Variants in DNAH17 observed in about 807,000 individuals in gnomAD.
The protein encoded by DNAH17 is axonemal beta dynein heavy chain 17.
Under a neutral mutation model 485.6 loss-of-function variants are expected in DNAH17, and 376 were observed. That is an observed-to-expected ratio of 0.77 (90% CI 0.71 to 0.84). The LOEUF is 0.84. DNAH17 is among the 40% of genes least tolerant of loss of function. The pLI, the probability that DNAH17 is intolerant of heterozygous loss-of-function variation, is 0.00. For synonymous variants in DNAH17, 3,031 were observed against 2,405.9 expected (o/e 1.26, Z -7.60); for missense variants, 6,370 against 5,839.3 (o/e 1.09, Z -2.96).
rs1463529038 is a variant in DNAH17, at chr17:78,459,330, A to T, written c.9654-122T>A. ...CTGGAGGGGCAGCGCTGGGATTCAC[A>T]CAGTCAGGCTGGCCCTAGAGGCCAC... On this transcript the variant is annotated intron_variant, in intron 60 of 80. Coordinates refer to ENST00000389840, the MANE Select transcript of DNAH17 (RefSeq NM_173628.4). 4.2e-6 allele frequency: 4 copies of T among 961,450 alleles called. No homozygotes were observed. In the South Asian group the frequency reaches 4.2e-5, roughly 10 times the overall value. The allele number at this position is 961,450 out of a possible 1,614,324, so 59.6% of individuals were successfully genotyped here.
intron 3 of DNAH17, 43 bp downstream of exon 3, chr17:78,572,658 C>T (rs764790061): frequency 1.3e-6 from 2 of 1,527,740 alleles, no homozygotes; most frequent in Non-Finnish European, 8.8e-7. Context: ...GCATGTGCCT[C>T]TTCCCCACCC....
intron 54 of DNAH17, among the ~76,000 whole-genome samples, chr17:78,474,912 C>CCCTTCACCTCA (rs1188520237): frequency 7.9e-6 from 1 of 126,714 alleles, no homozygotes; most frequent in African/African-American, 3.2e-5. Flanking sequence ...AGGTTTCACA[C>CCCTTCACCTCA]GCTTCACCTC....
At chr17:78,484,505 C>T (rs1467452983) in intron 48 of DNAH17, among the ~76,000 whole-genome samples, 2 of 152,150 alleles carry the variant, frequency 1.3e-5, no homozygotes, top group African/African-American at 4.8e-5. Flanking sequence ...AGGGCTCTTC[C>T]TTTACCGGGT....
Position 78,449,057 on chromosome 17 carries a change from T to G in DNAH17, c.11211+357A>C, listed in dbSNP as rs182379936. 4.2e-3 allele frequency among the ~76,000 whole-genome samples: 633 copies of G among 152,302 alleles called. 3 individuals are homozygous for G. Among genetic ancestry groups the G allele is most frequent in the Admixed American group, 6.7e-3 (103 of 15,288 alleles). Reference sequence around the variant, plus strand: ...ATATTTGTTTATTCATACACTTATTTCTTAAGAAACATCAGTCACCCCACA... The same window carrying G: ...ATATTTGTTTATTCATACACTTATTGCTTAAGAAACATCAGTCACCCCACA... On this transcript the variant is annotated intron_variant, in intron 69 of 80. Transcript: ENST00000389840.
intron 33 of DNAH17, 104 bp downstream of exon 33, chr17:78,502,487 G>A (rs927290819): frequency 7.0e-5 from 79 of 1,132,924 alleles, no homozygotes; most frequent in Middle Eastern, 2.0e-4. Context: ...AGAAGAAGCC[G>A]CTCCAGGTAC....
chr17:78,495,756 G>A lies in DNAH17; in HGVS notation c.5903+119C>T, dbSNP rs1445199334. ...CCCGGCCATCTTGGGAGCTTTTGATGACTTCTTCCCTCCCCAGCTTGCCCT... is the reference window on the plus strand; with the variant it reads ...CCCGGCCATCTTGGGAGCTTTTGATAACTTCTTCCCTCCCCAGCTTGCCCT... On this transcript the variant is annotated intron_variant, in intron 38 of 80. Coordinates refer to ENST00000389840, the MANE Select transcript of DNAH17 (RefSeq NM_173628.4). 3 of 1,261,016 alleles carry A rather than the reference G, an allele frequency of 2.4e-6. No homozygotes were observed. The Admixed American group carries it at 8.3e-5, about 35-fold the overall frequency. 78.1% of individuals were successfully genotyped at this position (1,261,016 alleles called of 1,614,324 possible). A position where few individuals can be genotyped will look rare whatever the true frequency, so the allele number is the denominator to read the frequency against.
At position 78,566,997 on chromosome 17, in the gene DNAH17, A is replaced by T; in HGVS notation, c.1452+2T>A. The T allele has an allele frequency of 1.2e-6, 2 of 1,609,032 alleles. No homozygotes were observed. Among genetic ancestry groups the T allele is most frequent in the Non-Finnish European group, 1.7e-6 (2 of 1,177,226 alleles). ...TTCATCCAACCCTGCCCGAGGACCT[A>T]CCGAGTCTCCAGGGTCCAAGGGATC... On this transcript the variant is annotated splice_donor_variant, in intron 10 of 80. Transcript: ENST00000389840. LOFTEE classifies it high-confidence loss of function.
In DNAH17 at chr17:78,536,177, C is replaced by T. The variant is rs984873341; in HGVS notation, c.2859+1122G>A. Among the ~76,000 whole-genome samples the T allele has an allele frequency of 9.9e-5, 15 of 152,100 alleles. 1 individual carries two copies. The highest frequency in any genetic ancestry group is 1.5e-5 in the Non-Finnish European group (1 of 68,032). Reference sequence around the variant, plus strand: ...GACTGAGGCCGGGCACGGTGGCTCACACCTGTAATCCCAGCACTTTGGGAG... The same window carrying T: ...GACTGAGGCCGGGCACGGTGGCTCATACCTGTAATCCCAGCACTTTGGGAG... On this transcript the variant is annotated intron_variant, in intron 19 of 80. Transcript: ENST00000389840.
intron 38 of DNAH17, 59 bp from the exon 39 acceptor site, chr17:78,495,156 T>C: frequency 6.6e-7 from 1 of 1,511,338 alleles, no homozygotes; most frequent in South Asian, 1.3e-5. Context: ...CCTACACCCC[T>C]GCCTGTCCCT....
chr17:78,478,566 T>C (rs904018781), intron 51 of DNAH17, among the ~76,000 whole-genome samples: 2 of 148,420 alleles, frequency 1.3e-5, no homozygotes, highest in Non-Finnish European at 3.0e-5. Flanking sequence ...ACCATCATCA[T>C]GACCATCACC....
chr17:78,553,489 G>A (rs1329170015), intron 14 of DNAH17, among the ~76,000 whole-genome samples: 2 of 151,402 alleles, frequency 1.3e-5, no homozygotes, highest in African/African-American at 2.4e-5. Context: ...TTTAGTAGAC[G>A]CAGGGTTTCA....
intron 17 of DNAH17, among the ~76,000 whole-genome samples, chr17:78,541,909 G>T (rs947678899): frequency 1.3e-5 from 2 of 152,120 alleles, no homozygotes; most frequent in Non-Finnish European, 2.9e-5. Flanking sequence ...ACCGTGGCAG[G>T]GAGGGGAGGG....
chr17:78,537,291 G>C lies in DNAH17; in HGVS notation c.2859+8C>G, dbSNP rs1244347453. 4 of 1,556,162 alleles carry C rather than the reference G, an allele frequency of 2.6e-6. No individual in the cohort carries two copies. Among genetic ancestry groups the C allele is most frequent in the Non-Finnish European group, 3.5e-6 (4 of 1,149,940 alleles). On this transcript the variant is annotated splice_region_variant and intron_variant, in intron 19 of 80. Coordinates refer to ENST00000389840, the MANE Select transcript of DNAH17 (RefSeq NM_173628.4). ...CCCTGTGTACGGCCAGAAGAGGCCA[G>C]GACTGACCTTGTAGTTCATCCTGTC...
intron 73 of DNAH17, 128 bp downstream of exon 73, chr17:78,438,962 G>A (rs1598449533): frequency 2.2e-6 from 3 of 1,369,730 alleles, no homozygotes; most frequent in Non-Finnish European, 9.7e-7. Context: ...CTTCAGTGGT[G>A]TTAGGATTTC....
In DNAH17 at chr17:78,459,776, CG is replaced by C; in HGVS notation, c.9653+7del. 1 of 1,613,882 alleles carries C rather than the reference CG, an allele frequency of 6.2e-7. No homozygotes were observed. The highest frequency in any genetic ancestry group is 8.5e-7 in the Non-Finnish European group (1 of 1,179,814). On this transcript the variant is annotated splice_region_variant and intron_variant, in intron 60 of 80. Transcript: ENST00000389840. Reference sequence around the variant, plus strand: ...AAGCCCCGGCTACGAGGCCCAGCCCCGACTCACTTGAAGGCCTTCAGGCAGG... The same window carrying C: ...AAGCCCCGGCTACGAGGCCCAGCCCCACTCACTTGAAGGCCTTCAGGCAGG...
At chr17:78,469,243 G>A (rs1029925908) in intron 54 of DNAH17, among the ~76,000 whole-genome samples, 6 of 152,142 alleles carry the variant, frequency 3.9e-5, no homozygotes, top group Middle Eastern at 3.2e-3. Context: ...CCAGGTTCAC[G>A]CCATTCTCCT....
chr17:78,469,119 A>C (rs1424837440), intron 54 of DNAH17, among the ~76,000 whole-genome samples: 2 of 151,872 alleles, frequency 1.3e-5, no homozygotes, highest in Non-Finnish European at 2.9e-5. Flanking sequence ...ACACGCCGCC[A>C]TGGGGCCAAC....
intron 30 of DNAH17, 47 bp from the exon 31 acceptor site, chr17:78,505,492 G>C: frequency 6.2e-7 from 1 of 1,612,632 alleles, no homozygotes; most frequent in African/African-American, 1.3e-5. Flanking sequence ...GGATTTGAAA[G>C]GCATGTGCGT....
In DNAH17 at chr17:78,525,052, C is replaced by A. The variant is rs184908706; in HGVS notation, c.3821G>T (p.Arg1274Leu). Reference protein sequence around the residue: ...PDYKQLKACHREVRLLKELWD... With the variant: ...PDYKQLKACHLEVRLLKELWD... ...GAGCTCCTTCAGTAGGCGGACCTCC[C>A]GGTGGCAGGCCTTGAGCTGCTTGTA... Residue 1274 changes from arginine to leucine, a missense_variant, in exon 25 of 81, where the codon CGG becomes CTG. Transcript: ENST00000389840. The A allele has an allele frequency of 6.2e-7, 1 of 1,613,664 alleles. No individual in the cohort carries two copies. The highest frequency in any genetic ancestry group is 8.5e-7 in the Non-Finnish European group (1 of 1,179,850).
Sources: gnomAD v4.1 joint callset for allele counts (sites outside exome capture counted in the v4.1 genomes callset) on GRCh38, gnomAD v4.1.1 for gene constraint, MANE v1.5 for transcripts, NCBI Gene and HGNC (gene_info 2026-07-23, HGNC 2026-07-21) for gene names.